Variants in HNRNPK observed in about 807,000 individuals in gnomAD.
HNRNPK encodes heterogeneous nuclear ribonucleoprotein K, also known as dC-stretch binding protein.
Under a neutral mutation model 67.0 loss-of-function variants are expected in HNRNPK, and 7 were observed. That is an observed-to-expected ratio of 0.10 (90% CI 0.06 to 0.20). HNRNPK has a LOEUF of 0.20. HNRNPK is among the 10% of genes least tolerant of loss of function. HNRNPK has a pLI of 1.00. For missense variants in HNRNPK, 264 were observed against 606.5 expected (o/e 0.44, Z 5.93); for synonymous variants, 213 against 193.7 (o/e 1.10, Z -0.83).
chr9:83,972,441 C>T (rs1371973680), intron 10 of HNRNPK, among the ~76,000 whole-genome samples: 1 of 152,208 alleles, frequency 6.6e-6, no homozygotes, highest in African/African-American at 2.4e-5. Context: ...CTTGCTCTTA[C>T]ACTTAGATCG....
rs879181327 is a variant in HNRNPK at position 83,968,274 on chromosome 9, CTTTT to C, written c.*1129_*1132del. On this transcript the variant is annotated 3_prime_UTR_variant, in exon 17 of 17. Transcript: ENST00000376263. ...AAACATCCACAGGAACTTTTTTCAT[CTTTT>C]TTTTTTTTGAATTGTACACAAACAT... 3.4e-5 allele frequency: 5 copies of C among 145,248 alleles called. No individual in the cohort carries two copies. Among genetic ancestry groups the C allele is most frequent in the East Asian group, 4.0e-4 (2 of 5,060 alleles). The allele number at this position is 145,248 out of a possible 1,614,324, so 9.0% of individuals were successfully genotyped here.
chr9:83,971,319 A>G lies in HNRNPK; in HGVS notation c.1046T>C (p.Ile349Thr). The G allele has an allele frequency of 6.2e-7, 1 of 1,612,814 alleles. No individual in the cohort carries two copies. The highest frequency in any genetic ancestry group is 8.5e-7 in the Non-Finnish European group (1 of 1,178,798). Reference sequence around the variant, plus strand: ...CCATTCTGATGGGCTCCATGTATCTATTGCAGAGTCCCAAGTTTCATCAGC... The same window carrying G: ...CCATTCTGATGGGCTCCATGTATCTGTTGCAGAGTCCCAAGTTTCATCAGC... ...FSADETWDSA[I>T]DTWSPSEWQM... Residue 349 changes from isoleucine to threonine, a missense_variant, in exon 13 of 17, where the codon ATA becomes ACA. Ile to Thr is a moderately conservative substitution (Grantham distance 89, BLOSUM62 -1). Around this residue, in one of 6 missense-constraint regions of HNRNPK, gnomAD observed 142 missense variants for 256.5 expected, o/e 0.55. Transcript: ENST00000376263.
At chr9:83,970,131 T>G in intron 16 of HNRNPK, 31 bp downstream of exon 16, 2 of 1,573,368 alleles carry the variant, frequency 1.3e-6, no homozygotes, top group Admixed American at 1.8e-5. Context: ...TTAGTATGTA[T>G]AAGCTAACAC....
intron 1 of HNRNPK, 108 bp from the exon 2 acceptor site, chr9:83,978,560 TA>T (rs1957180083): frequency 4.2e-6 from 1 of 235,492 alleles, no homozygotes; most frequent in Admixed American, 5.7e-5. Context: ...CAGCTGTTTC[TA>T]AAACTTGATT....
At chr9:83,970,412 TTAA>T in intron 15 of HNRNPK, 81 bp from the exon 16 acceptor site, 2 of 1,102,424 alleles carry the variant, frequency 1.8e-6, no homozygotes, top group Non-Finnish European at 1.3e-6. Flanking sequence ...CATGAAGTTA[TTAA>T]TTTTATTCAT....
intron 3 of HNRNPK, 81 bp downstream of exon 3, chr9:83,978,114 C>A: frequency 2.2e-6 from 2 of 908,776 alleles, no homozygotes; most frequent in Admixed American, 1.8e-5. Context: ...TCACCACACA[C>A]TCCTAAGGCA....
At chr9:83,979,794 T>C (rs1255858912) in intron 1 of HNRNPK, among the ~76,000 whole-genome samples, 1 of 149,790 alleles carries the variant, frequency 6.7e-6, no homozygotes, top group African/African-American at 2.5e-5. Context: ...CCGCTCCAGC[T>C]CCGACCCCGG....
intron 5 of HNRNPK, chr9:83,975,881 T>C (rs973446226): frequency 9.3e-6 from 2 of 214,922 alleles, no homozygotes; most frequent in Non-Finnish European, 9.5e-6. Flanking sequence ...CCTCAAATGA[T>C]GGTTCTAGCC....
chr9:83,973,473 TAAC>T (rs1956947104), intron 8 of HNRNPK, 74 bp from the exon 9 acceptor site: 3 of 849,368 alleles, frequency 3.5e-6, no homozygotes, highest in Non-Finnish European at 6.1e-6. Context: ...GCTATAAGCA[TAAC>T]AATAATATAC....
In HNRNPK at chr9:83,969,898, A is replaced by G. The variant is rs1286273302; in HGVS notation, c.1361+264T>C. On this transcript the variant is annotated intron_variant, in intron 16 of 16. Coordinates refer to ENST00000376263, the MANE Select transcript of HNRNPK (RefSeq NM_031263.4). ...TTCTACAGGCTCTGTACAATTTTTA[A>G]CAAGTGGTTTTGGCAGCAGTTTTCA... is the stretch of plus-strand genomic sequence containing the variant. 2.0e-5 allele frequency: 12 copies of G among 615,224 alleles called. No individual in the cohort carries two copies. The Admixed American group carries it at 2.5e-4, about 13-fold the overall frequency. The allele number at this position is 615,224 out of a possible 1,614,324, so 38.1% of individuals were successfully genotyped here.
intron 7 of HNRNPK, among the ~76,000 whole-genome samples, chr9:83,974,186 TCTAA>T (rs754526528): frequency 1.7e-4 from 26 of 152,154 alleles, no homozygotes; most frequent in Admixed American, 2.6e-4. Context: ...CCTAACTAAA[TCTAA>T]CTAATTCTCC....
Position 83,969,081 on chromosome 9 carries a change from A to C in HNRNPK, c.*326T>G, listed in dbSNP as rs1956705732. ...ACAAAGCAAGGTGTTCACAATAATTACATGGGGGGAATTTTTTAAACCACC... is the reference window on the plus strand; with the variant it reads ...ACAAAGCAAGGTGTTCACAATAATTCCATGGGGGGAATTTTTTAAACCACC... On this transcript the variant is annotated 3_prime_UTR_variant, in exon 17 of 17. Transcript: ENST00000376263. The C allele has an allele frequency of 6.2e-6, 3 of 485,120 alleles. No homozygotes were observed. Among genetic ancestry groups the C allele is most frequent in the Non-Finnish European group, 1.1e-5 (3 of 273,370 alleles). 30.1% of individuals were successfully genotyped at this position (485,120 alleles called of 1,614,324 possible).
At chr9:83,974,090 A>G (rs1023624119) in intron 7 of HNRNPK, 117 bp from the exon 8 acceptor site, 10 of 630,608 alleles carry the variant, frequency 1.6e-5, no homozygotes, top group Admixed American at 1.5e-4. Context: ...AATAATGAGA[A>G]ACTGCTTTAT....
intron 7 of HNRNPK, 35 bp from the exon 8 acceptor site, chr9:83,974,008 G>T (rs771864135): frequency 3.5e-6 from 5 of 1,424,402 alleles, no homozygotes; most frequent in South Asian, 3.4e-5. Context: ...TAGGTTAAGT[G>T]TCTAGCGTGA....
In HNRNPK at chr9:83,978,162, A is replaced by T. The variant is rs3737135; in HGVS notation, c.58+33T>A. ...AAAAGGCAATTTATTAACAGGATAA[A>T]AAAATACTGTTAAAACTAAAATTTC... On this transcript the variant is annotated intron_variant, in intron 3 of 16. Transcript: ENST00000376263. 335,695 of 1,405,092 alleles carry T rather than the reference A, an allele frequency of 0.24. 43,047 individuals are homozygous for T. Among genetic ancestry groups the T allele is most frequent in the Non-Finnish European group, 0.27 (265,730 of 991,810 alleles). 87.0% of individuals were successfully genotyped at this position (1,405,092 alleles called of 1,614,324 possible). A position where few individuals can be genotyped will look rare whatever the true frequency, so the allele number is the denominator to read the frequency against.
intron 15 of HNRNPK, 32 bp from the exon 16 acceptor site, chr9:83,970,363 G>T: frequency 6.5e-7 from 1 of 1,543,242 alleles, no homozygotes; most frequent in Non-Finnish European, 8.9e-7. Flanking sequence ...ATGTGTTTAC[G>T]ATATACTTTT....
intron 7 of HNRNPK, 69 bp downstream of exon 7, chr9:83,974,448 C>T: frequency 1.3e-6 from 1 of 741,834 alleles, no homozygotes. Context: ...CCCATCATAC[C>T]CCAATACAAC....
At position 83,970,920 on chromosome 9, in the gene HNRNPK, CAG is replaced by C. The variant is rs1564059555; in HGVS notation, c.1093-10_1093-9del. The C allele has an allele frequency of 3.1e-6, 5 of 1,611,930 alleles. No homozygotes were observed. The highest frequency in any genetic ancestry group is 3.4e-6 in the Non-Finnish European group (4 of 1,178,298). On this transcript the variant is annotated splice_polypyrimidine_tract_variant and intron_variant, in intron 13 of 16. Coordinates refer to ENST00000376263, the MANE Select transcript of HNRNPK (RefSeq NM_031263.4). Reference sequence around the variant, plus strand: ...ACCATATCCGGAGCCACCCTAAAAACAGAAAGAAAAAAATAGAAAATTACTTT... The same window carrying C: ...ACCATATCCGGAGCCACCCTAAAAACAAAGAAAAAAATAGAAAATTACTTT...
chr9:83,973,830 A>C, intron 8 of HNRNPK, 72 bp downstream of exon 8: 2 of 1,121,504 alleles, frequency 1.8e-6, no homozygotes, highest in Non-Finnish European at 2.7e-6. Flanking sequence ...AAAGCACACT[A>C]TGTTAAAAAT....
Sources: gnomAD v4.1 joint callset for allele counts (sites outside exome capture counted in the v4.1 genomes callset) on GRCh38, gnomAD v4.1.1 for gene constraint, gnomAD v4.1.1 regional missense constraint, MANE v1.5 for transcripts, NCBI Gene and HGNC (gene_info 2026-07-23, HGNC 2026-07-21) for gene names.